SMIM31: variants seen among roughly 807,000 people sequenced by gnomAD.
The protein encoded by SMIM31 is small integral membrane protein 31.
At chr4:164,771,813 A>T (rs1028347722) in intron 2 of SMIM31, among the ~76,000 whole-genome samples, 4 of 152,184 alleles carry the variant, frequency 2.6e-5, no homozygotes, top group Admixed American at 2.6e-4. Flanking sequence ...TGTCTCAAAA[A>T]ACAAAAATTA....
chr4:164,782,185 G>A (rs1161832555), intron 2 of SMIM31, among the ~76,000 whole-genome samples: 1 of 151,648 alleles, frequency 6.6e-6, no homozygotes. Flanking sequence ...AGCTGCTGGG[G>A]AGGCTGAGGC....
intron 2 of SMIM31, among the ~76,000 whole-genome samples, chr4:164,773,688 G>A (rs1025904001): frequency 5.3e-5 from 8 of 152,028 alleles, no homozygotes; most frequent in African/African-American, 1.9e-4. Context: ...GGGTGGATGG[G>A]GACACAGCCA....
intron 2 of SMIM31, among the ~76,000 whole-genome samples, chr4:164,789,815 C>T (rs953248268): frequency 5.3e-5 from 8 of 152,114 alleles, no homozygotes; most frequent in Admixed American, 1.3e-4. Flanking sequence ...CCTTCTCTGA[C>T]GAAAACTGAA....
chr4:164,760,818 G>A (rs997948547), intron 1 of SMIM31, among the ~76,000 whole-genome samples: 1 of 151,684 alleles, frequency 6.6e-6, no homozygotes, highest in Non-Finnish European at 1.5e-5. Context: ...AAGAAAGATA[G>A]GAGTCAAGGA....
At chr4:164,766,948 G>A (rs572582307) in intron 1 of SMIM31, among the ~76,000 whole-genome samples, 2 of 152,316 alleles carry the variant, frequency 1.3e-5, no homozygotes, top group East Asian at 3.9e-4. Flanking sequence ...TAGACAATGA[G>A]AATGTAGAGG....
chr4:164,768,533 G>A (rs1371033216), intron 1 of SMIM31, among the ~76,000 whole-genome samples: 1 of 151,578 alleles, frequency 6.6e-6, no homozygotes, highest in Non-Finnish European at 1.5e-5. Context: ...AACATTAACA[G>A]CTGCCTCCTC....
At chr4:164,778,412 C>T (rs1233470352) in intron 2 of SMIM31, among the ~76,000 whole-genome samples, 3 of 152,050 alleles carry the variant, frequency 2.0e-5, no homozygotes, top group East Asian at 1.9e-4. Context: ...ATACACACCT[C>T]TAATAATATA....
intron 2 of SMIM31, among the ~76,000 whole-genome samples, chr4:164,795,291 C>T (rs75671318): frequency 0.019 from 2,852 of 152,274 alleles, 64 homozygotes; most frequent in African/African-American, 0.063. Context: ...GGCGCCATGA[C>T]TTACACCTGT....
intron 2 of SMIM31, among the ~76,000 whole-genome samples, chr4:164,773,029 T>TAAAAAA (rs56863708): frequency 5.7e-4 from 44 of 76,652 alleles, no homozygotes; most frequent in African/African-American, 2.1e-3. Context: ...CACTTGGCTT[T>TAAAAAA]AAAAAAAAAA....
intron 2 of SMIM31, among the ~76,000 whole-genome samples, chr4:164,797,966 A>G (rs1051348702): frequency 3.3e-5 from 5 of 152,106 alleles, no homozygotes; most frequent in African/African-American, 1.2e-4. Context: ...TCTCTCACCT[A>G]TAAGTGAGAA....
intron 2 of SMIM31, among the ~76,000 whole-genome samples, chr4:164,775,666 G>T (rs1023052198): frequency 1.3e-5 from 2 of 152,110 alleles, no homozygotes; most frequent in Non-Finnish European, 2.9e-5. Context: ...ACACAGTCTG[G>T]TCCCTATATA....
chr4:164,801,823 C>T lies in SMIM31; in HGVS notation c.*629C>T, dbSNP rs926929945. 5 of 152,210 alleles carry T rather than the reference C, an allele frequency of 3.3e-5. No individual in the cohort carries two copies. Among genetic ancestry groups the T allele is most frequent in the Admixed American group, 1.3e-4 (2 of 15,290 alleles). The allele number at this position is 152,210 out of a possible 1,614,324, so 9.4% of individuals were successfully genotyped here. On this transcript the variant is annotated 3_prime_UTR_variant, in exon 3 of 3. Coordinates refer to ENST00000507311, the MANE Select transcript of SMIM31 (RefSeq NM_001352885.1). ...GAGACATGAGTGTTTGTAAATCTCT[C>T]GTCCCAATACTATGTAAATCCTTAA...
intron 2 of SMIM31, among the ~76,000 whole-genome samples, chr4:164,779,840 A>G (rs1288193460): frequency 6.6e-6 from 1 of 152,218 alleles, no homozygotes; most frequent in Non-Finnish European, 1.5e-5. Context: ...TAATCTATTT[A>G]ATATGGATTG....
At chr4:164,757,019 T>C (rs1447659243) in intron 1 of SMIM31, among the ~76,000 whole-genome samples, 4 of 152,232 alleles carry the variant, frequency 2.6e-5, no homozygotes. Flanking sequence ...AAAGGAATTG[T>C]ATCATTTTAA....
At chr4:164,770,227 T>G (rs1732775314) in intron 1 of SMIM31, among the ~76,000 whole-genome samples, 192 bp from the exon 2 acceptor site, 1 of 152,182 alleles carries the variant, frequency 6.6e-6, no homozygotes, top group Non-Finnish European at 1.5e-5. Context: ...ACAGTGAAAT[T>G]GTATGCCAAA....
Position 164,779,801 on chromosome 4 carries a change from A to G in SMIM31, c.112+9246A>G, listed in dbSNP as rs141397702. On this transcript the variant is annotated intron_variant, in intron 2 of 2. Coordinates refer to ENST00000507311, the MANE Select transcript of SMIM31 (RefSeq NM_001352885.1). ...CATATTTAGGGATATAGAGGAATCA[A>G]TAAAGTTATGCTTTAAAAGAAGGAT... Among the ~76,000 whole-genome samples, 748 of 152,354 alleles carry G rather than the reference A, an allele frequency of 4.9e-3. 5 individuals are homozygous for G. The highest frequency in any genetic ancestry group is 0.017 in the Middle Eastern group (5 of 294).
chr4:164,761,101 G>A (rs567010053), intron 1 of SMIM31, among the ~76,000 whole-genome samples: 9 of 152,096 alleles, frequency 5.9e-5, no homozygotes, highest in Admixed American at 2.0e-4. Context: ...TAAATGCTTT[G>A]GTTATTCTTC....
chr4:164,786,909 G>A (rs1733032483), intron 2 of SMIM31, among the ~76,000 whole-genome samples: 1 of 152,156 alleles, frequency 6.6e-6, no homozygotes, highest in South Asian at 2.1e-4. Flanking sequence ...GCTTAGATAA[G>A]CACACATAAA....
intron 1 of SMIM31, among the ~76,000 whole-genome samples, chr4:164,770,178 ACT>A (rs1560825744): frequency 6.6e-6 from 1 of 152,100 alleles, no homozygotes; most frequent in Non-Finnish European, 1.5e-5. Context: ...AGGTAAACTG[ACT>A]CTACCATTCA....
Sources: gnomAD v4.1 joint callset for allele counts (sites outside exome capture counted in the v4.1 genomes callset) on GRCh38, gnomAD v4.1.1 for gene constraint, MANE v1.5 for transcripts, NCBI Gene and HGNC (gene_info 2026-07-23, HGNC 2026-07-21) for gene names.